MST1R: variants seen among roughly 807,000 people sequenced by gnomAD.
MST1R encodes the protein macrophage stimulating 1 receptor.
Under a neutral mutation model 117.8 loss-of-function variants are expected in MST1R, and 99 were observed. That is an observed-to-expected ratio of 0.84 (90% CI 0.71 to 0.99). MST1R has a LOEUF of 0.99. Among genes scored for constraint, MST1R ranks in the 50% least tolerant of loss-of-function variants. MST1R has a pLI of 0.00. For missense variants in MST1R, 1,683 were observed against 1,840.2 expected (o/e 0.91, Z 1.56); for synonymous variants, 734 against 765.3 (o/e 0.96, Z 0.68).
rs1367265334 is a variant in MST1R at position 49,903,079 on chromosome 3, ACAGT to A, written c.527_530del (p.Asp176ValfsTer10). The A allele has an allele frequency of 1.2e-6, 2 of 1,608,416 alleles. No homozygotes were observed. Among genetic ancestry groups the A allele is most frequent in the African/African-American group, 1.3e-5 (1 of 75,072 alleles). ...CACGGGTGCCCAATGGGCTGGCCAC[ACAGT>A]CGGGGCAGTCATCGGGCCGGTTATG... On this transcript the variant is annotated frameshift_variant, in exon 1 of 20. Coordinates refer to ENST00000296474, the MANE Select transcript of MST1R (RefSeq NM_002447.4). LOFTEE classifies it high-confidence loss of function.
chr3:49,896,420 T>C lies in MST1R; in HGVS notation c.2440-16A>G, dbSNP rs373798179. ...GCCTCTCACACTGCTGGGACCAATA[T>C]GAGAGTGATTAGCCAGGAACCCCAC... On this transcript the variant is annotated splice_polypyrimidine_tract_variant and intron_variant, in intron 9 of 19. Coordinates refer to ENST00000296474, the MANE Select transcript of MST1R (RefSeq NM_002447.4). 5.0e-4 allele frequency: 805 copies of C among 1,609,118 alleles called. 1 individual carries two copies. In the African/African-American group the frequency reaches 9.2e-3, roughly 18 times the overall value.
intron 19 of MST1R, among the ~76,000 whole-genome samples, chr3:49,888,894 T>C (rs1261902267): frequency 6.6e-6 from 1 of 152,244 alleles, no homozygotes; most frequent in East Asian, 1.9e-4. Flanking sequence ...GCCACCCAGA[T>C]ACCCCTTTAC....
intron 14 of MST1R, among the ~76,000 whole-genome samples, chr3:49,893,477 G>A (rs879378622): frequency 3.3e-5 from 5 of 151,374 alleles, no homozygotes; most frequent in East Asian, 1.9e-4. Flanking sequence ...GGTGGCGGGC[G>A]CCTGTAATCC....
At chr3:49,893,628 G>A (rs1313619857) in intron 14 of MST1R, among the ~76,000 whole-genome samples, 4 of 146,956 alleles carry the variant, frequency 2.7e-5, no homozygotes, top group African/African-American at 7.6e-5. Flanking sequence ...GGCCGGGCGC[G>A]GTGGCTCACA....
rs1430723720 is a variant in MST1R, at chr3:49,895,393, G to C, written c.3065-20C>G. 1.2e-6 allele frequency: 2 copies of C among 1,614,198 alleles called. No homozygotes were observed. The highest frequency in any genetic ancestry group is 4.5e-5 in the East Asian group (2 of 44,880). On this transcript the variant is annotated intron_variant, in intron 13 of 19. Coordinates refer to ENST00000296474, the MANE Select transcript of MST1R (RefSeq NM_002447.4). ...GGAGTGCTGTGGGGAGAGGGAATGA[G>C]GAGCTTGTAGGGACAGGGGGTGGCT...
chr3:49,894,223 A>G (rs1271281295), intron 14 of MST1R, among the ~76,000 whole-genome samples: 1 of 150,556 alleles, frequency 6.6e-6, no homozygotes, highest in Non-Finnish European at 1.5e-5. Context: ...CTCAAAAAAA[A>G]TAATAATAAT....
intron 19 of MST1R, among the ~76,000 whole-genome samples, chr3:49,888,435 C>CAA (rs35017850): frequency 1.9e-3 from 199 of 105,566 alleles, no homozygotes; most frequent in Middle Eastern, 5.9e-3. Flanking sequence ...GACTCCATCT[C>CAA]AAAAAAAAAA....
Position 49,899,150 on chromosome 3 carries a change from G to T in MST1R, c.1344C>A (p.Val448=). 1 of 1,614,144 alleles carries T rather than the reference G, an allele frequency of 6.2e-7. No individual in the cohort carries two copies. Among genetic ancestry groups the T allele is most frequent in the Non-Finnish European group, 8.5e-7 (1 of 1,180,042 alleles). Residue 448 remains valine, a synonymous_variant, in exon 2 of 20, where the codon GTC becomes GTA. Coordinates refer to ENST00000296474, the MANE Select transcript of MST1R (RefSeq NM_002447.4). ...LFNGLLGPVQ[V]TALYVTRLDN... is the part of the protein sequence containing the mutation. ...CAAGGCGTGTCACATACAATGCAGTGACCTGTACTGGTCCCAACAGCCCAT... is the reference window on the plus strand; with the variant it reads ...CAAGGCGTGTCACATACAATGCAGTTACCTGTACTGGTCCCAACAGCCCAT...
In MST1R at chr3:49,899,065, G is replaced by A; in HGVS notation, c.1419+10C>T. ...CCCAGGGCTAGGGGACTGTGGGGAT[G>A]AGGACCCACCTGCAGGATACGCCCA... On this transcript the variant is annotated intron_variant, in intron 2 of 19. Transcript: ENST00000296474. The A allele has an allele frequency of 6.2e-7, 1 of 1,614,130 alleles. No homozygotes were observed. Among genetic ancestry groups the A allele is most frequent in the Non-Finnish European group, 8.5e-7 (1 of 1,180,044 alleles).
At position 49,892,239 on chromosome 3, in the gene MST1R, C is replaced by T. The variant is rs139329334; in HGVS notation, c.3272-401G>A. Among the ~76,000 whole-genome samples, 800 of 150,690 alleles carry T rather than the reference C, an allele frequency of 5.3e-3. 4 individuals carry two copies. The highest frequency in any genetic ancestry group is 0.024 in the Middle Eastern group (7 of 294). ...TAGGCCTCCCAAAGTGCTGGGATTA[C>T]AGGTGTGAGCCACCACACCCGGCCC... On this transcript the variant is annotated intron_variant, in intron 14 of 19. Transcript: ENST00000296474.
rs751022406 is a variant in MST1R at position 49,903,086 on chromosome 3, G to C, written c.524C>G (p.Pro175Arg). The C allele has an allele frequency of 6.2e-7, 1 of 1,607,694 alleles. No homozygotes were observed. The highest frequency in any genetic ancestry group is 8.5e-7 in the Non-Finnish European group (1 of 1,180,012). ...GCCCAATGGGCTGGCCACACAGTCG[G>C]GGCAGTCATCGGGCCGGTTATGGTG... ...SAHHNRPDDC[P>R]DCVASPLGTR... Residue 175 changes from proline (P) to arginine (R), a missense_variant, in exon 1 of 20, where the codon CCC becomes CGC. Transcript: ENST00000296474.
intron 14 of MST1R, 59 bp from the exon 15 acceptor site, chr3:49,891,897 A>G: frequency 6.9e-7 from 1 of 1,442,000 alleles, no homozygotes; most frequent in South Asian, 1.1e-5. Flanking sequence ...GGCTCACACC[A>G]CACATTCTCA....
chr3:49,898,734 T>A, intron 3 of MST1R, 46 bp from the exon 4 acceptor site: 2 of 1,610,538 alleles, frequency 1.2e-6, no homozygotes, highest in Non-Finnish European at 1.7e-6. Flanking sequence ...GAGGGAGAGA[T>A]TGGGCCCTAT....
At chr3:49,890,916 C>T (rs1292112523) in intron 17 of MST1R, among the ~76,000 whole-genome samples, 4 of 152,076 alleles carry the variant, frequency 2.6e-5, no homozygotes, top group South Asian at 2.1e-4. Context: ...TTAGTAGAGA[C>T]GGGGTTTCAC....
chr3:49,901,626 A>T (rs2082679812), intron 1 of MST1R, among the ~76,000 whole-genome samples: 1 of 152,058 alleles, frequency 6.6e-6, no homozygotes, highest in Non-Finnish European at 1.5e-5. Context: ...CTGCCATTCC[A>T]TGAGTTCTGG....
In MST1R at chr3:49,887,185, T is replaced by C. The variant is rs1449358003; in HGVS notation, c.*122A>G. The C allele has an allele frequency of 5.8e-6, 8 of 1,387,378 alleles. No homozygotes were observed. The highest frequency in any genetic ancestry group is 7.9e-6 in the Non-Finnish European group (8 of 1,010,650). 85.9% of individuals were successfully genotyped at this position (1,387,378 alleles called of 1,614,324 possible). A position where few individuals can be genotyped will look rare whatever the true frequency, so the allele number is the denominator to read the frequency against. ...GGACCTAATGGGCCCCATTTACCTA[T>C]TGCCTCTGAAAGTTAAAGGGCAGGA... On this transcript the variant is annotated 3_prime_UTR_variant, in exon 20 of 20. Transcript: ENST00000296474.
In MST1R at chr3:49,891,257, C is replaced by T. The variant is rs1234497922; in HGVS notation, c.3584G>A (p.Gly1195Asp). 3.1e-6 allele frequency: 5 copies of T among 1,614,038 alleles called. No individual in the cohort carries two copies. Among genetic ancestry groups the T allele is most frequent in the Non-Finnish European group, 4.2e-6 (5 of 1,180,056 alleles). Residue 1195 changes from glycine (G) to aspartate (D), a missense_variant, in exon 17 of 20, where the codon GGC becomes GAC. Gly to Asp is a moderately conservative substitution (Grantham distance 94). Coordinates refer to ENST00000296474, the MANE Select transcript of MST1R (RefSeq NM_002447.4). The part of the protein sequence containing the change: ...LISFGLQVAR[G>D]MEYLAEQKFV... ...CTTCTGCTCTGCCAGGTACTCCATG[C>T]CGCGGGCTACCTGCAGGCCAAAGCT... is the stretch of plus-strand genomic sequence containing the variant.
intron 14 of MST1R, among the ~76,000 whole-genome samples, chr3:49,892,743 C>T (rs35871951): frequency 0.037 from 5,596 of 150,936 alleles, 349 homozygotes; most frequent in African/African-American, 0.13. Context: ...CAGCTGAGGT[C>T]AGGGGTTCAA....
rs1323633773 is a variant in MST1R at position 49,903,075 on chromosome 3, C to A, written c.535G>T (p.Ala179Ser). 3.1e-6 allele frequency: 5 copies of A among 1,608,684 alleles called. No homozygotes were observed. The highest frequency in any genetic ancestry group is 1.1e-5 in the South Asian group (1 of 91,096). ...NRPDDCPDCV[A>S]SPLGTRVTVV... ...GTTACACGGGTGCCCAATGGGCTGG[C>A]CACACAGTCGGGGCAGTCATCGGGC... The change falls in exon 1 of 20, where the codon GCC becomes TCC. Residue 179 changes from alanine (A) to serine (S), a missense_variant. Transcript: ENST00000296474.
Sources: allele counts gnomAD v4.1 joint callset (sites outside exome capture counted in the v4.1 genomes callset), GRCh38; gene constraint gnomAD v4.1.1; transcripts MANE v1.5; gene names NCBI Gene and HGNC (gene_info 2026-07-23, HGNC 2026-07-21).